SPRED1: variants seen among roughly 807,000 people sequenced by gnomAD.
SPRED1 encodes the protein sprouty-related, EVH1 domain-containing protein 1.
Under a neutral mutation model 52.3 loss-of-function variants are expected in SPRED1, and 18 were observed. The observed-to-expected ratio is 0.34, with a 90% CI of 0.24 to 0.51. The LOEUF (loss-of-function observed/expected upper bound fraction) is 0.51. SPRED1 is among the 20% of genes least tolerant of loss of function. The pLI is 0.97. For synonymous variants in SPRED1, 155 were observed against 179.7 expected, an observed-to-expected ratio of 0.86 and a Z score of 1.10; for missense variants, 485 against 551.0, an observed-to-expected ratio of 0.88 and a Z score of 1.20.
rs182175317 is a variant in SPRED1 at position 38,350,362 on chromosome 15, A to C, written c.685-652A>C. 2.2e-4 allele frequency among the ~76,000 whole-genome samples: 33 copies of C among 152,240 alleles called. No individual in the cohort carries two copies. In the South Asian group the frequency reaches 3.5e-3, roughly 16 times the overall value. On this transcript the variant is annotated intron_variant, in intron 6 of 6. Transcript: ENST00000299084. ...AAATTTCCTCATAAAGAAAACAGTCAGATTGGATTAAAGTCTCTCTTAAGG... is the reference window on the plus strand; with the variant it reads ...AAATTTCCTCATAAAGAAAACAGTCCGATTGGATTAAAGTCTCTCTTAAGG...
chr15:38,316,761 T>TGTTTG, intron 2 of SPRED1, among the ~76,000 whole-genome samples: 1 of 142,114 alleles, frequency 7.0e-6, no homozygotes, highest in Non-Finnish European at 1.5e-5. Flanking sequence ...TTTTTTTTTT[T>TGTTTG]TTTTTTTTTT....
chr15:38,279,067 C>T (rs1221603996), intron 1 of SPRED1, among the ~76,000 whole-genome samples: 1 of 152,040 alleles, frequency 6.6e-6, no homozygotes, highest in East Asian at 1.9e-4. Context: ...ACCTCATGAC[C>T]TACCCTCCTA....
chr15:38,311,029 A>G (rs769159397), intron 2 of SPRED1, among the ~76,000 whole-genome samples: 1 of 152,188 alleles, frequency 6.6e-6, no homozygotes, highest in African/African-American at 2.4e-5. Context: ...TGTTTCAGAT[A>G]TTAACCAAAA....
intron 2 of SPRED1, among the ~76,000 whole-genome samples, chr15:38,306,352 C>T (rs866505406): frequency 7.9e-5 from 12 of 152,030 alleles, no homozygotes; most frequent in South Asian, 2.1e-4. Flanking sequence ...AAACATGTTG[C>T]TAATGCTCAG....
At chr15:38,316,607 T>C (rs1895485620) in intron 2 of SPRED1, among the ~76,000 whole-genome samples, 1 of 151,970 alleles carries the variant, frequency 6.6e-6, no homozygotes, top group African/African-American at 2.4e-5. Context: ...CCAGCCAGTC[T>C]ATTTGCAGCA....
intron 1 of SPRED1, among the ~76,000 whole-genome samples, chr15:38,290,774 C>T (rs982306123): frequency 3.3e-5 from 5 of 152,130 alleles, no homozygotes; most frequent in Non-Finnish European, 7.4e-5. Context: ...GAAAGACCAG[C>T]CCTAATGATT....
intron 5 of SPRED1, among the ~76,000 whole-genome samples, chr15:38,343,636 C>A (rs753082231): frequency 2.6e-5 from 4 of 152,096 alleles, no homozygotes; most frequent in Admixed American, 6.6e-5. Context: ...GGGAGCTTTT[C>A]TTCCAGCAAC....
intron 1 of SPRED1, among the ~76,000 whole-genome samples, chr15:38,279,658 A>G (rs1183303825): frequency 1.3e-5 from 2 of 152,212 alleles, no homozygotes; most frequent in Non-Finnish European, 2.9e-5. Flanking sequence ...CTGTAAAATG[A>G]GGATAATCAT....
intron 2 of SPRED1, among the ~76,000 whole-genome samples, chr15:38,299,878 A>G (rs1446511222): frequency 6.6e-6 from 1 of 152,186 alleles, no homozygotes; most frequent in Non-Finnish European, 1.5e-5. Flanking sequence ...ACTAATCCAC[A>G]GGCCAAATGC....
intron 4 of SPRED1, among the ~76,000 whole-genome samples, chr15:38,338,054 A>AT (rs1243774783): frequency 5.5e-4 from 83 of 149,996 alleles, no homozygotes; most frequent in African/African-American, 2.0e-3. Flanking sequence ...AAAAAAAAAA[A>AT]AAAAAAAAAT....
At chr15:38,269,654 G>T (rs1400430915) in intron 1 of SPRED1, among the ~76,000 whole-genome samples, 4 of 152,114 alleles carry the variant, frequency 2.6e-5, no homozygotes, top group African/African-American at 7.2e-5. Context: ...ACTTCCATTT[G>T]CTGCCAGTTG....
chr15:38,355,678 A>G lies in SPRED1; in HGVS notation c.*4014A>G, dbSNP rs900872773. The G allele has an allele frequency of 6.6e-6, 1 of 152,240 alleles. No individual in the cohort carries two copies. Among genetic ancestry groups the G allele is most frequent in the African/African-American group, 2.4e-5 (1 of 41,466 alleles). 9.4% of individuals were successfully genotyped at this position (152,240 alleles called of 1,614,324 possible). A position where few individuals can be genotyped will look rare whatever the true frequency, so the allele number is the denominator to read the frequency against. ...TAAGCAAGTGTAACATTTTTTCCAC[A>G]TAAAACTTAGAAAACTTTAGTTACC... On this transcript the variant is annotated 3_prime_UTR_variant, in exon 7 of 7. Coordinates refer to ENST00000299084, the MANE Select transcript of SPRED1 (RefSeq NM_152594.3).
intron 2 of SPRED1, among the ~76,000 whole-genome samples, chr15:38,304,124 A>G (rs1182764397): frequency 6.6e-6 from 1 of 152,232 alleles, no homozygotes; most frequent in East Asian, 1.9e-4. Flanking sequence ...TTCTAGGAAG[A>G]AAATAATGTG....
chr15:38,324,695 A>AT, intron 3 of SPRED1, 68 bp from the exon 4 acceptor site: 1 of 1,171,512 alleles, frequency 8.5e-7, no homozygotes, highest in Non-Finnish European at 1.2e-6. Flanking sequence ...GACATAATCA[A>AT]TTAGTCATTA....
At chr15:38,300,106 G>T (rs1205173806) in intron 2 of SPRED1, among the ~76,000 whole-genome samples, 3 of 152,072 alleles carry the variant, frequency 2.0e-5, no homozygotes, top group African/African-American at 7.2e-5. Flanking sequence ...CTGGTGGCCA[G>T]CCTAATTTTT....
chr15:38,340,244 C>G (rs140377717), intron 5 of SPRED1, among the ~76,000 whole-genome samples: 31 of 152,234 alleles, frequency 2.0e-4, no homozygotes, highest in African/African-American at 6.7e-4. Context: ...TTAAGAATAA[C>G]CTTGTGTTCC....
chr15:38,270,035 G>A (rs1894399534), intron 1 of SPRED1, among the ~76,000 whole-genome samples: 2 of 151,334 alleles, frequency 1.3e-5, no homozygotes, highest in African/African-American at 4.9e-5. Context: ...AGCCTCCCGA[G>A]TAGCTGGGAT....
At chr15:38,318,950 C>T (rs535151044) in intron 2 of SPRED1, among the ~76,000 whole-genome samples, 2 of 152,166 alleles carry the variant, frequency 1.3e-5, no homozygotes, top group South Asian at 4.2e-4. Flanking sequence ...AGGCTCTAAA[C>T]AATAGATGCC....
At chr15:38,266,547 C>T (rs2140953078) in intron 1 of SPRED1, among the ~76,000 whole-genome samples, 1 of 152,266 alleles carries the variant, frequency 6.6e-6, no homozygotes, top group East Asian at 1.9e-4. Flanking sequence ...GAGTCTGAGG[C>T]ATGAGAAATG....
Sources: allele counts gnomAD v4.1 joint callset (sites outside exome capture counted in the v4.1 genomes callset), GRCh38; gene constraint gnomAD v4.1.1; transcripts MANE v1.5; gene names NCBI Gene and HGNC (gene_info 2026-07-23, HGNC 2026-07-21).